NCLN: variants seen among roughly 807,000 people sequenced by gnomAD.
NCLN encodes the protein nicalin.
A neutral mutation model predicts 69.5 loss-of-function variants in NCLN; 34 were observed. The ratio of observed to expected loss-of-function variants is 0.49; its 90% CI spans 0.37 to 0.65. The LOEUF (loss-of-function observed/expected upper bound fraction) is 0.65. Ranked by LOEUF, NCLN falls within the 30% of genes least tolerant of loss-of-function variation. NCLN has a pLI of 0.00. For synonymous variants in NCLN, 393 were observed against 358.3 expected, an observed-to-expected ratio of 1.10 and a Z score of -1.09; for missense variants, 710 against 804.8, an observed-to-expected ratio of 0.88 and a Z score of 1.42.
In NCLN at chr19:3,203,855, C is replaced by T; in HGVS notation, c.889+11C>T. ...ACCTGGACCACACAGGTGAGCGGCCCCGGGTGGGGGTGGGGGTGCCGCGGT... is the reference window on the plus strand; with the variant it reads ...ACCTGGACCACACAGGTGAGCGGCCTCGGGTGGGGGTGGGGGTGCCGCGGT... On this transcript the variant is annotated intron_variant, in intron 7 of 14. Coordinates refer to ENST00000246117, the MANE Select transcript of NCLN (RefSeq NM_020170.4). 6.2e-7 allele frequency: 1 copy of T among 1,610,904 alleles called. No homozygotes were observed. Among genetic ancestry groups the T allele is most frequent in the Non-Finnish European group, 8.5e-7 (1 of 1,179,064 alleles).
chr19:3,186,590 T>C (rs1005689105), intron 1 of NCLN, among the ~76,000 whole-genome samples: 4 of 152,174 alleles, frequency 2.6e-5, no homozygotes. Flanking sequence ...CTCCGCCCCT[T>C]AGGCTTCCTG....
intron 1 of NCLN, among the ~76,000 whole-genome samples, chr19:3,191,128 G>A (rs1406477529): frequency 2.0e-5 from 3 of 151,832 alleles, no homozygotes; most frequent in Non-Finnish European, 4.4e-5. Flanking sequence ...AGATCGTCGC[G>A]GTGCTGAGAC....
Position 3,207,850 on chromosome 19 carries a change from C to T in NCLN, c.*162C>T, listed in dbSNP as rs1484133840. ...TGAATTACAGAGCTTTTTTCTGTTG[C>T]TCTCCGAGACTGGGGGGGGATTGTT... On this transcript the variant is annotated 3_prime_UTR_variant, in exon 15 of 15. Transcript: ENST00000246117. 1.3e-5 allele frequency: 8 copies of T among 608,554 alleles called. No homozygotes were observed. The highest frequency in any genetic ancestry group is 2.4e-5 in the Non-Finnish European group (8 of 338,564). The allele number at this position is 608,554 out of a possible 1,614,324, so 37.7% of individuals were successfully genotyped here. A position where few individuals can be genotyped will look rare whatever the true frequency, so the allele number is the denominator to read the frequency against.
At position 3,201,588 on chromosome 19, in the gene NCLN, C is replaced by T; in HGVS notation, c.762C>T (p.Leu254=). 1 of 1,561,236 alleles carries T rather than the reference C, an allele frequency of 6.4e-7. No homozygotes were observed. The highest frequency in any genetic ancestry group is 8.6e-7 in the Non-Finnish European group (1 of 1,160,632). Residue 254 remains leucine, a synonymous_variant, in exon 6 of 15, where the codon CTC becomes CTT. Coordinates refer to ENST00000246117, the MANE Select transcript of NCLN (RefSeq NM_020170.4). ...GVSVLLELAR[L]FSRLYTYKRT... is the part of the protein sequence containing the mutation. ...CTGTGCTGCTGGAGCTGGCACGCCT[C>T]TTCTCCCGGCTCTACACCTACAAGC...
chr19:3,207,863 G>A lies in NCLN; in HGVS notation c.*175G>A. ...TTTTTTCTGTTGCTCTCCGAGACTG[G>A]GGGGGGATTGTTTCTTCTTTTCCTT... On this transcript the variant is annotated 3_prime_UTR_variant, in exon 15 of 15. Coordinates refer to ENST00000246117, the MANE Select transcript of NCLN (RefSeq NM_020170.4). The A allele has an allele frequency of 1.7e-6, 1 of 590,622 alleles. No individual in the cohort carries two copies. The highest frequency in any genetic ancestry group is 3.0e-6 in the Non-Finnish European group (1 of 332,722). 36.6% of individuals were successfully genotyped at this position (590,622 alleles called of 1,614,324 possible).
Position 3,205,738 on chromosome 19 carries a change from C to G in NCLN, c.1209-201C>G, listed in dbSNP as rs941188008. ...ACCTGCGCACAGGGACGGGTCAGGG[C>G]AAGGGGCCTGGAGGTGTGGGGCCCC... On this transcript the variant is annotated intron_variant, in intron 9 of 14. Transcript: ENST00000246117. This position sits in a 1 kb window ranked among gnomAD's most constrained non-coding sequence, Gnocchi z 4.6. The G allele has an allele frequency of 5.1e-6, 3 of 590,398 alleles. No individual in the cohort carries two copies. Among genetic ancestry groups the G allele is most frequent in the Non-Finnish European group, 9.0e-6 (3 of 333,486 alleles). The allele number at this position is 590,398 out of a possible 1,614,324, so 36.6% of individuals were successfully genotyped here. A position where few individuals can be genotyped will look rare whatever the true frequency, so the allele number is the denominator to read the frequency against.
chr19:3,206,058 C>T, intron 10 of NCLN, 32 bp downstream of exon 10: 2 of 1,609,522 alleles, frequency 1.2e-6, no homozygotes, highest in Non-Finnish European at 1.7e-6. Flanking sequence ...CCGCCAGACC[C>T]AGCCCCAGCC....
intron 3 of NCLN, among the ~76,000 whole-genome samples, chr19:3,193,796 G>A (rs974909621): frequency 5.9e-5 from 9 of 152,142 alleles, no homozygotes; most frequent in Admixed American, 2.0e-4. Flanking sequence ...ATCACATCTC[G>A]AGTGGGCGGC....
At position 3,193,411 on chromosome 19, in the gene NCLN, C is replaced by G. The variant is rs779382727; in HGVS notation, c.503C>G (p.Ser168Cys). 28 of 1,606,650 alleles carry G rather than the reference C, an allele frequency of 1.7e-5. No individual in the cohort carries two copies. Among genetic ancestry groups the G allele is most frequent in the Non-Finnish European group, 2.3e-5 (27 of 1,179,004 alleles). The change falls in exon 3 of 15, where the codon TCC (serine) becomes TGC (cysteine). Residue 168 changes from serine to cysteine, a missense_variant. Transcript: ENST00000246117. Reference protein sequence around the residue: ...QTQAASASQGSASAAEVLLRT... With the variant: ...QTQAASASQGCASAAEVLLRT... ...CAGGCTGCCTCCGCCTCCCAGGGCT[C>G]CGCCTCTGCTGCTGAAGGTGTGCTC...
At chr19:3,202,550 A>G (rs1489395519) in intron 6 of NCLN, among the ~76,000 whole-genome samples, 1 of 152,190 alleles carries the variant, frequency 6.6e-6, no homozygotes, top group East Asian at 1.9e-4. Context: ...TGCTGCAGTC[A>G]TTGTGTCAGC....
chr19:3,192,734 A>G, intron 2 of NCLN, 74 bp downstream of exon 2: 2 of 1,364,264 alleles, frequency 1.5e-6, no homozygotes, highest in Non-Finnish European at 1.9e-6. Context: ...GTGTGACCCT[A>G]GGCGGGTCAC....
At position 3,204,839 on chromosome 19, in the gene NCLN, G is replaced by A; in HGVS notation, c.1208+88G>A. 3.1e-6 allele frequency: 4 copies of A among 1,291,562 alleles called. No individual in the cohort carries two copies. The South Asian group carries it at 7.5e-5, about 24-fold the overall frequency. The allele number at this position is 1,291,562 out of a possible 1,614,324, so 80.0% of individuals were successfully genotyped here. A position where few individuals can be genotyped will look rare whatever the true frequency, so the allele number is the denominator to read the frequency against. On this transcript the variant is annotated intron_variant, in intron 9 of 14. Transcript: ENST00000246117. ...GCAACTGCAGAGGCCATGAGAGCCT[G>A]GAGGGAGCGGCCCCCACACACAGGC...
Position 3,204,559 on chromosome 19 carries a change from G to C in NCLN, c.1030-14G>C, listed in dbSNP as rs200749859. On this transcript the variant is annotated splice_polypyrimidine_tract_variant and intron_variant, in intron 8 of 14. Coordinates refer to ENST00000246117, the MANE Select transcript of NCLN (RefSeq NM_020170.4). ...TCCCCGCCTGCCCTCTGCTAATGGC[G>C]CCTCCGGCTGCAGGTGGCCGCGCAC... is the stretch of plus-strand genomic sequence containing the variant. 6.6e-7 allele frequency: 1 copy of C among 1,519,004 alleles called. No individual in the cohort carries two copies. The highest frequency in any genetic ancestry group is 1.3e-5 in the South Asian group (1 of 78,844). 94.1% of individuals were successfully genotyped at this position (1,519,004 alleles called of 1,614,324 possible).
chr19:3,206,347 C>T lies in NCLN; in HGVS notation c.1421C>T (p.Thr474Ile). 6.5e-7 allele frequency: 1 copy of T among 1,548,356 alleles called. No individual in the cohort carries two copies. Among genetic ancestry groups the T allele is most frequent in the Non-Finnish European group, 8.7e-7 (1 of 1,146,944 alleles). ...RAAQLVDKDS[T>I]FLSTLEHHLS... is the part of the protein sequence containing the mutation. ...GCGCAGCTGGTGGACAAGGACAGCA[C>T]CTTCCTCAGCACGCTGGAGCACCAC... Residue 474 changes from threonine (T) to isoleucine (I), a missense_variant, in exon 12 of 15, where the codon ACC becomes ATC. Transcript: ENST00000246117.
chr19:3,186,416 C>G (rs994468447), intron 1 of NCLN, among the ~76,000 whole-genome samples: 1 of 152,144 alleles, frequency 6.6e-6, no homozygotes, highest in African/African-American at 2.4e-5. Flanking sequence ...CAGGGACCCC[C>G]CGCGCTCGCT....
At chr19:3,190,315 C>T (rs1915784803) in intron 1 of NCLN, among the ~76,000 whole-genome samples, 2 of 152,302 alleles carry the variant, frequency 1.3e-5, no homozygotes, top group South Asian at 4.1e-4. Context: ...GCGTGGGCCC[C>T]TGTGGCTCCT....
intron 3 of NCLN, among the ~76,000 whole-genome samples, chr19:3,194,718 GAGA>G (rs1226680752): frequency 6.6e-6 from 1 of 151,146 alleles, no homozygotes; most frequent in Non-Finnish European, 1.5e-5. Flanking sequence ...TATCCTGTTA[GAGA>G]AGAAGGAAAG....
intron 9 of NCLN, 143 bp downstream of exon 9, chr19:3,204,894 G>C (rs1054633098): frequency 2.1e-6 from 2 of 942,978 alleles, no homozygotes; most frequent in African/African-American, 3.5e-5. Flanking sequence ...CGTGGCCAAG[G>C]CCGGCTGCAC....
chr19:3,196,341 C>G, intron 4 of NCLN, 64 bp downstream of exon 4: 1 of 1,272,544 alleles, frequency 7.9e-7, no homozygotes, highest in Non-Finnish European at 1.1e-6. Context: ...CCGCCTGGCT[C>G]CCCGGCTCGG....
Sources: allele counts gnomAD v4.1 joint callset (sites outside exome capture counted in the v4.1 genomes callset), GRCh38; gene constraint gnomAD v4.1.1; non-coding constraint Gnocchi (gnomAD v3.1); transcripts MANE v1.5; gene names NCBI Gene and HGNC (gene_info 2026-07-23, HGNC 2026-07-21).